The following NEB variants were observed in gnomAD, a reference collection of about 807,000 sequenced individuals.
The protein encoded by NEB is nemaline myopathy type 2.
Under a neutral mutation model 952.2 loss-of-function variants are expected in NEB, and 512 were observed. The ratio of observed to expected loss-of-function variants is 0.54; its 90% CI spans 0.50 to 0.58. The LOEUF (loss-of-function observed/expected upper bound fraction) is 0.58. NEB is among the 20% of genes least tolerant of loss of function. The pLI is 0.00. For synonymous variants in NEB, 2,900 were observed against 3,149.8 expected (o/e 0.92, Z 2.66); for missense variants, 8,428 against 9,231.1 (o/e 0.91, Z 3.56).
chr2:151,485,516 G>A lies in NEB; in HGVS notation c.*244C>T. On this transcript the variant is annotated 3_prime_UTR_variant, in exon 182 of 182. Coordinates refer to ENST00000397345, the MANE Select transcript of NEB (RefSeq NM_001164508.2). Reference sequence around the variant, plus strand: ...ATCCCTGTTTTAGAAAAGAAATAATGTTAAAACATGTTTATAATGGAGAAA... The same window carrying A: ...ATCCCTGTTTTAGAAAAGAAATAATATTAAAACATGTTTATAATGGAGAAA... 2 of 358,260 alleles carry A rather than the reference G, an allele frequency of 5.6e-6. No homozygotes were observed. The highest frequency in any genetic ancestry group is 1.0e-5 in the Non-Finnish European group (2 of 200,666). The allele number at this position is 358,260 out of a possible 1,614,324, so 22.2% of individuals were successfully genotyped here.
At chr2:151,507,197 A>G (rs923413110) in intron 162 of NEB, 184 bp from the exon 163 acceptor site, 3 of 545,238 alleles carry the variant, frequency 5.5e-6, no homozygotes, top group Admixed American at 3.4e-5. Context: ...ACTAATTTTA[A>G]AAAACATATA....
In NEB at chr2:151,662,229, T is replaced by G. The variant is rs755659279; in HGVS notation, c.5876A>C (p.Lys1959Thr). Residue 1959 changes from lysine (K) to threonine (T), a missense_variant, in exon 46 of 182, where the codon AAG becomes ACG. By Grantham distance (78) the Lys-to-Thr change is moderately conservative. Transcript: ENST00000397345. ...CAAAGTGTCTGGGTGCTGGCGGTACTTCTTTTCACTAATAATCTCCATGGC... is the reference window on the plus strand; with the variant it reads ...CAAAGTGTCTGGGTGCTGGCGGTACGTCTTTTCACTAATAATCTCCATGGC... ...KKAMEIISEK[K>T]YRQHPDTLKY... 1.9e-6 allele frequency: 3 copies of G among 1,613,682 alleles called. No homozygotes were observed. The East Asian group carries it at 6.7e-5, about 36-fold the overall frequency.
chr2:151,629,643 G>GAT lies in NEB; in HGVS notation c.9726_9727insAT (p.Leu3243IlefsTer62), dbSNP rs1553934562. 6.2e-7 allele frequency: 1 copy of GAT among 1,612,810 alleles called. No homozygotes were observed. ...GCTTCTTCATTGGCAAGTTTGTATAGAGTCTATGAAAAGAAAGGCAAAGAG... is the reference window on the plus strand; with the variant it reads ...GCTTCTTCATTGGCAAGTTTGTATAGATAGTCTATGAAAAGAAAGGCAAAGAG... On this transcript the variant is annotated frameshift_variant, in exon 68 of 182. Transcript: ENST00000397345. LOFTEE classifies it high-confidence loss of function.
At chr2:151,544,665 G>T (rs1298331593) in intron 135 of NEB, among the ~76,000 whole-genome samples, 1 of 152,234 alleles carries the variant, frequency 6.6e-6, no homozygotes, top group Admixed American at 6.5e-5. Flanking sequence ...TGCAAAAGCT[G>T]AAGAGTTAGT....
intron 181 of NEB, 124 bp downstream of exon 181, chr2:151,489,846 TA>T: frequency 1.7e-6 from 1 of 581,584 alleles, no homozygotes; most frequent in South Asian, 3.1e-5. Context: ...AAACATGTAA[TA>T]AAAGAGCATT....
chr2:151,644,374 C>T (rs910466084), intron 56 of NEB, 94 bp downstream of exon 56: 3 of 1,237,516 alleles, frequency 2.4e-6, no homozygotes, highest in Admixed American at 4.0e-5. Context: ...TAATTTGTTA[C>T]CCCTTAGATT....
chr2:151,584,338 G>A (rs1374116906), intron 100 of NEB, among the ~76,000 whole-genome samples: 1 of 1,424 alleles, frequency 7.0e-4, no homozygotes. Flanking sequence ...AAACAGACAA[G>A]AAAGATGCAT....
intron 13 of NEB, among the ~76,000 whole-genome samples, chr2:151,698,565 T>C (rs2099615643): frequency 6.6e-6 from 1 of 152,090 alleles, no homozygotes; most frequent in South Asian, 2.1e-4. Flanking sequence ...TGTGATCTTT[T>C]CTTTCTGATT....
Position 151,618,369 on chromosome 2 carries a change from A to G in NEB, c.10982T>C (p.Ile3661Thr), listed in dbSNP as rs886940194. Residue 3661 changes from isoleucine (I) to threonine (T), a missense_variant, in exon 74 of 182, where the codon ATC (isoleucine) becomes ACC (threonine). Coordinates refer to ENST00000397345, the MANE Select transcript of NEB (RefSeq NM_001164508.2). Reference sequence around the variant, plus strand: ...CAGCGTTTCTGGACGCTGACGGTAGATAGTATCACTAAGTAATTCTCCAGC... The same window carrying G: ...CAGCGTTTCTGGACGCTGACGGTAGGTAGTATCACTAAGTAATTCTCCAGC... ...KRAGELLSDT[I>T]YRQRPETLKF... is the part of the protein sequence containing the mutation. 4 of 1,613,990 alleles carry G rather than the reference A, an allele frequency of 2.5e-6. No homozygotes were observed. The highest frequency in any genetic ancestry group is 2.2e-5 in the East Asian group (1 of 44,874).
intron 63 of NEB, among the ~76,000 whole-genome samples, chr2:151,637,863 T>C (rs1167014913): frequency 6.6e-6 from 1 of 152,212 alleles, no homozygotes; most frequent in Non-Finnish European, 1.5e-5. Flanking sequence ...ATACAAGCAC[T>C]AAAATTACAG....
At chr2:151,689,371 AT>A in intron 24 of NEB, 1 of 151,490 alleles carries the variant, frequency 6.6e-6, no homozygotes, top group Non-Finnish European at 1.5e-5. Context: ...TACCCAGCTA[AT>A]TTTTTTATTT....
intron 83 of NEB, 96 bp downstream of exon 83, chr2:151,607,408 A>T (rs1283923275): frequency 7.9e-5 from 52 of 654,540 alleles, no homozygotes; most frequent in African/African-American, 6.0e-4. Flanking sequence ...AAAGCCACAA[A>T]CATTGCAAGG....
chr2:151,496,734 A>G (rs1366859622), intron 172 of NEB, among the ~76,000 whole-genome samples: 2 of 152,334 alleles, frequency 1.3e-5, no homozygotes, highest in Admixed American at 1.3e-4. Context: ...ATGATTGAAA[A>G]TATCAGATGA....
At position 151,570,103 on chromosome 2, in the gene NEB, T is replaced by C; in HGVS notation, c.17408A>G (p.Lys5803Arg). 1 of 1,610,978 alleles carries C rather than the reference T, an allele frequency of 6.2e-7. No individual in the cohort carries two copies. The highest frequency in any genetic ancestry group is 8.5e-7 in the Non-Finnish European group (1 of 1,178,642). Residue 5803 changes from lysine (K) to arginine (R), a missense_variant, in exon 109 of 182, where the codon AAG becomes AGG. By Grantham distance (26) the Lys-to-Arg change is conservative. Around this residue, in one of 11 missense-constraint regions of NEB, gnomAD observed 3,374 missense variants for 3,651.5 expected, o/e 0.92. Coordinates refer to ENST00000397345, the MANE Select transcript of NEB (RefSeq NM_001164508.2). ...CACATCGCTCTGCAGTTCGTAGGCC[T>C]TCTTGGCCTGAATCACATCGTTCTG... Reference protein sequence around the residue: ...PDQNDVIQAKKAYELQSDNVY... With the variant: ...PDQNDVIQAKRAYELQSDNVY...
rs2098536986 is a variant in NEB, at chr2:151,626,863, CAGAAT to C, written c.10347+134_10347+138del. Reference sequence around the variant, plus strand: ...AATGCTCCCATATATTGTTATCTAACAGAATAGAGAATTCAACTGAATCACTATAC... The same window carrying C: ...AATGCTCCCATATATTGTTATCTAACAGAGAATTCAACTGAATCACTATAC... On this transcript the variant is annotated intron_variant, in intron 70 of 181. Coordinates refer to ENST00000397345, the MANE Select transcript of NEB (RefSeq NM_001164508.2). 6 of 1,090,644 alleles carry C rather than the reference CAGAAT, an allele frequency of 5.5e-6. No individual in the cohort carries two copies. In the East Asian group the frequency reaches 1.5e-4, roughly 28 times the overall value. The allele number at this position is 1,090,644 out of a possible 1,614,324, so 67.6% of individuals were successfully genotyped here.
intron 81 of NEB, among the ~76,000 whole-genome samples, 161 bp downstream of exon 81, chr2:151,609,648 T>G (rs1325069980): frequency 1.3e-5 from 2 of 152,248 alleles, no homozygotes; most frequent in Non-Finnish European, 2.9e-5. Flanking sequence ...AAGTTACTAC[T>G]AAAGATGGAT....
At chr2:151,609,332 T>C (rs959532077) in intron 81 of NEB, among the ~76,000 whole-genome samples, 3 of 152,108 alleles carry the variant, frequency 2.0e-5, no homozygotes, top group Non-Finnish European at 4.4e-5. Flanking sequence ...AGATCTCACA[T>C]GATTGAGGGT....
chr2:151,511,918 A>C (rs2153233735), intron 161 of NEB, among the ~76,000 whole-genome samples: 1 of 152,208 alleles, frequency 6.6e-6, no homozygotes, highest in Admixed American at 6.5e-5. Flanking sequence ...TTACATGTTA[A>C]AATATTGATT....
intron 67 of NEB, 33 bp downstream of exon 67, chr2:151,630,682 C>T: frequency 6.6e-7 from 1 of 1,523,878 alleles, no homozygotes; most frequent in Non-Finnish European, 9.0e-7. Context: ...GACACCACCA[C>T]CACAATATAG....
Sources: gnomAD v4.1 joint callset for allele counts (sites outside exome capture counted in the v4.1 genomes callset) on GRCh38, gnomAD v4.1.1 for gene constraint, gnomAD v4.1.1 regional missense constraint, MANE v1.5 for transcripts, NCBI Gene and HGNC (gene_info 2026-07-23, HGNC 2026-07-21) for gene names.